The following ADCK1 variants were observed in gnomAD, a reference collection of about 807,000 sequenced individuals.
ADCK1 encodes the protein aarF domain containing kinase 1, also known as aarF domain-containing protein kinase 1.
A neutral mutation model predicts 52.3 loss-of-function variants in ADCK1; 41 were observed. That is an observed-to-expected ratio of 0.78 (90% CI 0.61 to 1.02). The LOEUF (loss-of-function observed/expected upper bound fraction) is 1.02. ADCK1 is among the 50% of genes least tolerant of loss of function. The pLI, the probability that ADCK1 is intolerant of heterozygous loss-of-function variation, is 0.00. For synonymous variants in ADCK1, 250 were observed against 274.6 expected (o/e 0.91, Z 0.89); for missense variants, 658 against 679.5 (o/e 0.97, Z 0.35).
chr14:77,810,670 A>G (rs975159645), intron 1 of ADCK1, among the ~76,000 whole-genome samples: 16 of 151,924 alleles, frequency 1.1e-4, no homozygotes, highest in Non-Finnish European at 1.8e-4. Flanking sequence ...AGCTGGGACT[A>G]CAGGCGCCCC....
intron 3 of ADCK1, among the ~76,000 whole-genome samples, chr14:77,836,773 CTTTTTTT>C (rs56672313): frequency 2.4e-5 from 1 of 41,774 alleles, no homozygotes; most frequent in South Asian, 9.1e-4. Flanking sequence ...TTCTTTCTTT[CTTTTTTT>C]TTTTTTTTTT....
intron 2 of ADCK1, among the ~76,000 whole-genome samples, chr14:77,820,533 T>G (rs1228205164): frequency 6.6e-5 from 10 of 151,868 alleles, no homozygotes; most frequent in Admixed American, 5.9e-4. Flanking sequence ...GGTTTCGCTA[T>G]GTTGCCCAGG....
intron 9 of ADCK1, among the ~76,000 whole-genome samples, chr14:77,926,953 A>G (rs1173374854): frequency 6.6e-6 from 1 of 152,102 alleles, no homozygotes; most frequent in African/African-American, 2.4e-5. Flanking sequence ...ACCCACTTAG[A>G]CTTGCCTGAA....
intron 4 of ADCK1, 131 bp from the exon 5 acceptor site, chr14:77,886,960 C>T: frequency 1.1e-6 from 1 of 930,892 alleles, no homozygotes; most frequent in Non-Finnish European, 1.5e-6. Flanking sequence ...CACACACACA[C>T]TCTCTCTCTC....
intron 5 of ADCK1, 147 bp downstream of exon 5, chr14:77,887,396 G>A: frequency 1.1e-6 from 1 of 932,162 alleles, no homozygotes; most frequent in Non-Finnish European, 1.5e-6. Context: ...TACGACAGAG[G>A]AGGTGTTATG....
At chr14:77,843,503 G>A (rs571257717) in intron 3 of ADCK1, among the ~76,000 whole-genome samples, 1 of 152,292 alleles carries the variant, frequency 6.6e-6, no homozygotes, top group East Asian at 1.9e-4. Flanking sequence ...CTGGCAACTG[G>A]GTTCCCAAAT....
intron 4 of ADCK1, among the ~76,000 whole-genome samples, chr14:77,863,903 G>A (rs1312465227): frequency 2.6e-5 from 4 of 152,066 alleles, no homozygotes; most frequent in African/African-American, 9.7e-5. Context: ...ATAAGGTTCT[G>A]TCCACCTCTG....
intron 3 of ADCK1, among the ~76,000 whole-genome samples, chr14:77,852,463 G>A (rs938579903): frequency 2.6e-4 from 39 of 151,424 alleles, no homozygotes; most frequent in African/African-American, 9.5e-4. Flanking sequence ...TGTTTCCAGT[G>A]AAAAATCTGC....
At chr14:77,916,609 C>T (rs781222055) in intron 7 of ADCK1, among the ~76,000 whole-genome samples, 19 of 152,132 alleles carry the variant, frequency 1.2e-4, no homozygotes, top group Non-Finnish European at 2.6e-4. Flanking sequence ...GGCACGCCAC[C>T]GTGCCTAGAT....
intron 5 of ADCK1, among the ~76,000 whole-genome samples, chr14:77,896,589 C>T (rs535835983): frequency 3.3e-5 from 5 of 152,214 alleles, no homozygotes; most frequent in Admixed American, 1.3e-4. Flanking sequence ...TTCTGTTTCC[C>T]GTTCACTTGC....
intron 3 of ADCK1, among the ~76,000 whole-genome samples, chr14:77,830,494 T>C (rs929741056): frequency 2.6e-5 from 4 of 151,096 alleles, no homozygotes. Context: ...AGTCTTGTCA[T>C]GTTGCCCATG....
At chr14:77,879,737 T>C (rs2082980087) in intron 4 of ADCK1, among the ~76,000 whole-genome samples, 1 of 152,102 alleles carries the variant, frequency 6.6e-6, no homozygotes, top group Admixed American at 6.5e-5. Context: ...GAGGAGGTCA[T>C]TGCAGTCTCT....
chr14:77,846,913 A>G (rs2082183335), intron 3 of ADCK1, among the ~76,000 whole-genome samples: 1 of 152,210 alleles, frequency 6.6e-6, no homozygotes, highest in Non-Finnish European at 1.5e-5. Context: ...AGGCTCAGAC[A>G]AAAAGAGGAT....
Position 77,933,419 on chromosome 14 carries a change from G to T in ADCK1, c.*28G>T. The T allele has an allele frequency of 6.2e-7, 1 of 1,609,234 alleles. No individual in the cohort carries two copies. The highest frequency in any genetic ancestry group is 8.5e-7 in the Non-Finnish European group (1 of 1,176,590). On this transcript the variant is annotated 3_prime_UTR_variant, in exon 11 of 11. Transcript: ENST00000238561. ...GGAATTGCTCTCCCTGCCCCATTCTGGTGTCTTTCCACTCCTCAGCCCCTC... is the reference window on the plus strand; with the variant it reads ...GGAATTGCTCTCCCTGCCCCATTCTTGTGTCTTTCCACTCCTCAGCCCCTC...
intron 1 of ADCK1, among the ~76,000 whole-genome samples, chr14:77,801,284 C>T (rs569419181): frequency 2.0e-5 from 3 of 152,258 alleles, no homozygotes; most frequent in South Asian, 2.1e-4. Context: ...GGGGACCATA[C>T]GTTGAGTACC....
chr14:77,922,723 C>G (rs765981340), intron 7 of ADCK1, among the ~76,000 whole-genome samples: 2 of 152,198 alleles, frequency 1.3e-5, no homozygotes, highest in Non-Finnish European at 2.9e-5. Context: ...CTTTTCTAGC[C>G]ATGAGTTAGT....
intron 4 of ADCK1, among the ~76,000 whole-genome samples, chr14:77,884,026 C>T (rs3783963): frequency 0.15 from 22,716 of 152,190 alleles, 2,138 homozygotes; most frequent in African/African-American, 0.26. Context: ...GTGGGGTGCT[C>T]TTGGCAGCTG....
intron 3 of ADCK1, among the ~76,000 whole-genome samples, chr14:77,824,251 C>T (rs1423252452): frequency 6.6e-6 from 1 of 152,050 alleles, no homozygotes; most frequent in Non-Finnish European, 1.5e-5. Context: ...TCAGGCATCA[C>T]ATTGTTTTAT....
intron 6 of ADCK1, among the ~76,000 whole-genome samples, chr14:77,899,749 ATAGAGT>A (rs1418026465): frequency 1.3e-5 from 2 of 152,160 alleles, no homozygotes; most frequent in African/African-American, 4.8e-5. Context: ...TATGGGGAAA[ATAGAGT>A]TAGGGGCACA....
Sources: gnomAD v4.1 joint callset for allele counts (sites outside exome capture counted in the v4.1 genomes callset) on GRCh38, gnomAD v4.1.1 for gene constraint, MANE v1.5 for transcripts, NCBI Gene and HGNC (gene_info 2026-07-23, HGNC 2026-07-21) for gene names.